KCNMA1: variants seen among roughly 807,000 people sequenced by gnomAD.
The protein encoded by KCNMA1 is potassium calcium-activated channel subfamily M alpha 1.
Under a neutral mutation model 140.0 loss-of-function variants are expected in KCNMA1, and 29 were observed. That is an observed-to-expected ratio of 0.21 (90% CI 0.15 to 0.28). The LOEUF (loss-of-function observed/expected upper bound fraction) is 0.28. Among genes scored for constraint, KCNMA1 ranks in the 10% least tolerant of loss-of-function variants. KCNMA1 has a pLI of 1.00. For missense variants in KCNMA1, 880 were observed against 1,602.2 expected, an observed-to-expected ratio of 0.55 and a Z score of 7.70; for synonymous variants, 612 against 611.9, an observed-to-expected ratio of 1.00 and a Z score of 0.00.
At chr10:77,427,264 C>G (rs1419905924) in intron 1 of KCNMA1, among the ~76,000 whole-genome samples, 1 of 152,176 alleles carries the variant, frequency 6.6e-6, no homozygotes, top group Non-Finnish European at 1.5e-5. Context: ...AATCAAGGAC[C>G]CATTCAAAAC....
At chr10:77,246,578 G>A (rs2058586866) in intron 3 of KCNMA1, among the ~76,000 whole-genome samples, 1 of 152,154 alleles carries the variant, frequency 6.6e-6, no homozygotes, top group Non-Finnish European at 1.5e-5. Context: ...CATCAATGGT[G>A]CCAGTTTTAT....
chr10:77,124,207 A>G (rs1361796297), intron 5 of KCNMA1, among the ~76,000 whole-genome samples: 1 of 152,206 alleles, frequency 6.6e-6, no homozygotes, highest in Non-Finnish European at 1.5e-5. Flanking sequence ...TAAAAATAGA[A>G]TACAAACAAC....
chr10:77,136,328 A>C (rs1189422704), intron 5 of KCNMA1, among the ~76,000 whole-genome samples: 3 of 152,206 alleles, frequency 2.0e-5, no homozygotes. Context: ...TAACAAGGAA[A>C]ATTTTTGACA....
At chr10:76,900,905 A>AT (rs925281198) in intron 25 of KCNMA1, among the ~76,000 whole-genome samples, 1 of 151,952 alleles carries the variant, frequency 6.6e-6, no homozygotes, top group African/African-American at 2.4e-5. Flanking sequence ...TTAAAAAAAA[A>AT]AAAAACCCAG....
chr10:77,636,538 C>G, intron 1 of KCNMA1: 1 of 1,536,148 alleles, frequency 6.5e-7, no homozygotes, highest in Non-Finnish European at 8.7e-7. Flanking sequence ...GAACAGAGGC[C>G]GAAGAACTTG....
chr10:77,342,476 C>T, intron 2 of KCNMA1, among the ~76,000 whole-genome samples: 1 of 152,112 alleles, frequency 6.6e-6, no homozygotes, highest in East Asian at 1.9e-4. Flanking sequence ...CTGCAGTGGC[C>T]AAGGCCCACA....
At chr10:77,339,686 T>G (rs1407911675) in intron 2 of KCNMA1, among the ~76,000 whole-genome samples, 1 of 152,212 alleles carries the variant, frequency 6.6e-6, no homozygotes, top group Non-Finnish European at 1.5e-5. Context: ...ACACTGCAGT[T>G]TGGCTCACCC....
chr10:77,349,925 G>A (rs939165248), intron 2 of KCNMA1, among the ~76,000 whole-genome samples: 1 of 151,954 alleles, frequency 6.6e-6, no homozygotes, highest in Admixed American at 6.6e-5. Context: ...ACAGAGTCTC[G>A]CTCTGTCACC....
At chr10:77,600,340 T>C (rs752211641) in intron 1 of KCNMA1, among the ~76,000 whole-genome samples, 57 of 151,990 alleles carry the variant, frequency 3.8e-4, no homozygotes, top group African/African-American at 1.0e-3. Context: ...GGCAGCCTAG[T>C]GGGGAGAGCA....
chr10:77,125,928 GTCAGGGCTGC>G (rs2097722107), intron 5 of KCNMA1, among the ~76,000 whole-genome samples: 1 of 152,162 alleles, frequency 6.6e-6, no homozygotes, highest in African/African-American at 2.4e-5. Context: ...CCTGAGAGAG[GTCAGGGCTGC>G]ACTCTTGGGA....
chr10:77,310,401 A>G (rs1382568750), intron 2 of KCNMA1, among the ~76,000 whole-genome samples: 7 of 152,180 alleles, frequency 4.6e-5, no homozygotes, highest in African/African-American at 1.4e-4. Flanking sequence ...GCCCAAAGCC[A>G]CACCACACAT....
intron 2 of KCNMA1, among the ~76,000 whole-genome samples, chr10:77,327,500 C>A (rs766675430): frequency 3.3e-5 from 5 of 151,988 alleles, no homozygotes; most frequent in Admixed American, 6.6e-5. Context: ...ATTACAGGTG[C>A]CCACCATCAC....
intron 2 of KCNMA1, among the ~76,000 whole-genome samples, chr10:77,317,071 ACT>A (rs1298298328): frequency 1.3e-5 from 2 of 151,984 alleles, no homozygotes; most frequent in Admixed American, 6.6e-5. Flanking sequence ...CTTGCTCCTG[ACT>A]CTATCACACA....
chr10:77,055,205 C>A (rs979962443), intron 14 of KCNMA1, among the ~76,000 whole-genome samples: 2 of 152,108 alleles, frequency 1.3e-5, no homozygotes, highest in Non-Finnish European at 1.5e-5. Flanking sequence ...CATGGAGCAG[C>A]TATTTGAAGA....
intron 1 of KCNMA1, among the ~76,000 whole-genome samples, chr10:77,493,429 T>C (rs7896256): frequency 0.078 from 11,859 of 152,308 alleles, 1,329 homozygotes; most frequent in African/African-American, 0.25. Flanking sequence ...CAGGCACTGC[T>C]GTGTGGTAGA....
chr10:76,876,916 C>T (rs930707246), downstream of KCNMA1: 2 of 152,474 alleles, frequency 1.3e-5, no homozygotes, highest in African/African-American at 4.8e-5. Flanking sequence ...GGAGTCTCCA[C>T]CACTAGAACA....
At chr10:77,098,293 AT>A (rs1280672914) in intron 9 of KCNMA1, among the ~76,000 whole-genome samples, 1 of 152,110 alleles carries the variant, frequency 6.6e-6, no homozygotes, top group Non-Finnish European at 1.5e-5. Context: ...AATTTGGGGA[AT>A]TGCTCCTCCC....
intron 15 of KCNMA1, among the ~76,000 whole-genome samples, chr10:77,031,428 G>A (rs1317636074): frequency 1.3e-5 from 2 of 152,134 alleles, no homozygotes; most frequent in East Asian, 3.9e-4. Flanking sequence ...GTCTCAGATG[G>A]CCTCACTCTT....
chr10:77,368,363 C>A (rs2094490485), intron 2 of KCNMA1, among the ~76,000 whole-genome samples: 1 of 152,166 alleles, frequency 6.6e-6, no homozygotes, highest in Non-Finnish European at 1.5e-5. Flanking sequence ...CTATTCAAGT[C>A]TTTTGCCCAT....
Sources: gnomAD v4.1 joint callset for allele counts (sites outside exome capture counted in the v4.1 genomes callset) on GRCh38, gnomAD v4.1.1 for gene constraint, MANE v1.5 for transcripts, NCBI Gene and HGNC (gene_info 2026-07-23, HGNC 2026-07-21) for gene names.